The following TEX9 variants were observed in gnomAD, a reference collection of about 807,000 sequenced individuals.
TEX9 encodes the protein testis-expressed protein 9.
Under a neutral mutation model 59.6 loss-of-function variants are expected in TEX9, and 74 were observed. That is an observed-to-expected ratio of 1.24 (90% CI 1.03 to 1.51). TEX9 has a LOEUF of 1.51. Among genes scored for constraint, TEX9 ranks in the 40% most tolerant of loss-of-function variants. The pLI, the probability that TEX9 is intolerant of heterozygous loss-of-function variation, is 0.00. For synonymous variants in TEX9, 186 were observed against 152.2 expected (o/e 1.22, Z -1.64); for missense variants, 522 against 447.8 (o/e 1.17, Z -1.49).
chr15:56,254,413 T>C (rs2044097039), intron 1 of TEX9, among the ~76,000 whole-genome samples: 2 of 151,876 alleles, frequency 1.3e-5, no homozygotes, highest in East Asian at 1.9e-4. Context: ...TCCCTTCTTT[T>C]GCTTGTAATT....
chr15:56,344,435 T>C (rs1049465359), intron 1 of TEX9, among the ~76,000 whole-genome samples: 4 of 152,162 alleles, frequency 2.6e-5, no homozygotes, highest in Non-Finnish European at 5.9e-5. Flanking sequence ...TGTTGTGTAA[T>C]TCCATTTATA....
At chr15:56,260,696 T>C (rs2044245807) in intron 1 of TEX9, among the ~76,000 whole-genome samples, 1 of 152,014 alleles carries the variant, frequency 6.6e-6, no homozygotes, top group Non-Finnish European at 1.5e-5. Flanking sequence ...ATTATTAGCT[T>C]GTAACTTTCT....
In TEX9 at chr15:56,426,863, C is replaced by T. The variant is rs978105846; in HGVS notation, c.964-742C>T. 4.6e-5 allele frequency among the ~76,000 whole-genome samples: 7 copies of T among 151,660 alleles called. No individual in the cohort carries two copies. The East Asian group carries it at 1.4e-3, about 30-fold the overall frequency. Reference sequence around the variant, plus strand: ...AAATTGCTAAAGAGCTTATCCAGTCCATTTTTACCAAGATTACAAACTTGG... The same window carrying T: ...AAATTGCTAAAGAGCTTATCCAGTCTATTTTTACCAAGATTACAAACTTGG... On this transcript the variant is annotated intron_variant, in intron 10 of 12. Coordinates refer to ENST00000352903, the Ensembl canonical transcript of TEX9.
chr15:56,443,568 T>C (rs1567151000), intron 12 of TEX9: 1 of 1,579,780 alleles, frequency 6.3e-7, no homozygotes. Context: ...CATAAATATT[T>C]ATAGGATCCA....
intron 9 of TEX9, among the ~76,000 whole-genome samples, chr15:56,402,444 T>C (rs538026784): frequency 1.6e-3 from 247 of 152,270 alleles, no homozygotes; most frequent in African/African-American, 5.7e-3. Flanking sequence ...CAGGAAGAAG[T>C]TGAATTTCTG....
At chr15:56,379,718 C>A (rs1338471546) in intron 3 of TEX9, among the ~76,000 whole-genome samples, 1 of 152,142 alleles carries the variant, frequency 6.6e-6, no homozygotes, top group Non-Finnish European at 1.5e-5. Context: ...TATCTGGGTG[C>A]TCCAGTGTTG....
chr15:56,308,792 A>C (rs2045539519), intron 1 of TEX9, among the ~76,000 whole-genome samples: 1 of 152,200 alleles, frequency 6.6e-6, no homozygotes, highest in Non-Finnish European at 1.5e-5. Context: ...CCCCAGGACG[A>C]TTCATTGAAA....
chr15:56,310,075 AG>A (rs2045573988), intron 1 of TEX9, among the ~76,000 whole-genome samples: 1 of 152,126 alleles, frequency 6.6e-6, no homozygotes, highest in Admixed American at 6.5e-5. Flanking sequence ...GAGTTTTCTT[AG>A]GCAGGCACTT....
chr15:56,437,003 C>T (rs2050737371), intron 12 of TEX9, among the ~76,000 whole-genome samples: 1 of 152,124 alleles, frequency 6.6e-6, no homozygotes, highest in Admixed American at 6.5e-5. Flanking sequence ...GATGGATTCA[C>T]AGCCGAATTC....
intron 1 of TEX9, among the ~76,000 whole-genome samples, chr15:56,351,345 T>G (rs1161156817): frequency 1.3e-5 from 2 of 152,210 alleles, no homozygotes; most frequent in Non-Finnish European, 2.9e-5. Flanking sequence ...GTTGAATATT[T>G]CAGCACAAAA....
At chr15:56,290,459 G>GT (rs2045062916) in intron 1 of TEX9, among the ~76,000 whole-genome samples, 1 of 151,742 alleles carries the variant, frequency 6.6e-6, no homozygotes, top group African/African-American at 2.4e-5. Flanking sequence ...GCCCCCCCCA[G>GT]TTTTTTTCAA....
intron 1 of TEX9, among the ~76,000 whole-genome samples, chr15:56,316,711 A>G (rs541806156): frequency 2.0e-4 from 30 of 152,202 alleles, no homozygotes; most frequent in African/African-American, 6.7e-4. Flanking sequence ...TTGTTTACCT[A>G]ATCAAGCCTG....
At chr15:56,374,154 T>G (rs1263474089) in intron 3 of TEX9, 3 of 152,084 alleles carry the variant, frequency 2.0e-5, no homozygotes, top group Non-Finnish European at 2.9e-5. Context: ...CATCTTTTAG[T>G]TTTTGCCAGT....
intron 3 of TEX9, among the ~76,000 whole-genome samples, chr15:56,380,668 G>T (rs1335239316): frequency 6.6e-6 from 1 of 152,066 alleles, no homozygotes; most frequent in African/African-American, 2.4e-5. Flanking sequence ...ATGTTTGAAG[G>T]ATATTTTTGC....
At chr15:56,263,396 A>T (rs1312012508) in intron 1 of TEX9, among the ~76,000 whole-genome samples, 1 of 152,040 alleles carries the variant, frequency 6.6e-6, no homozygotes. Context: ...TTCATACTTC[A>T]TGTAATTACT....
chr15:56,443,714 A>C, intron 12 of TEX9: 1 of 1,613,260 alleles, frequency 6.2e-7, no homozygotes, highest in Non-Finnish European at 8.5e-7. Flanking sequence ...TTGCTGCTGC[A>C]TGTTAGCAAA....
chr15:56,289,570 G>T (rs1764599870), intron 1 of TEX9, among the ~76,000 whole-genome samples: 1 of 152,190 alleles, frequency 6.6e-6, no homozygotes, highest in Admixed American at 6.5e-5. Context: ...AGTGAGGGTT[G>T]CTCAGTTCTT....
chr15:56,341,220 C>G lies in TEX9; in HGVS notation c.-106-32221C>G, dbSNP rs78575340. The stretch of plus-strand genomic sequence containing the variant: ...ATTTAGCCTTTTTTTTCCTTCTCTT[C>G]AAAGCATTCATGGTGCTTAGCAACA... On this transcript the variant is annotated intron_variant, in intron 1 of 5. Coordinates refer to the TEX9 transcript ENST00000560827. Among the ~76,000 whole-genome samples, 1,364 of 152,094 alleles carry G rather than the reference C, an allele frequency of 9.0e-3. 24 individuals are homozygous for G. The highest frequency in any genetic ancestry group is 0.031 in the African/African-American group (1,284 of 41,494).
At chr15:56,419,931 A>C (rs1247134303) in intron 10 of TEX9, among the ~76,000 whole-genome samples, 7 of 151,896 alleles carry the variant, frequency 4.6e-5, no homozygotes, top group African/African-American at 1.7e-4. Flanking sequence ...TTTATACTTC[A>C]AATTCAATTT....
Sources: allele counts gnomAD v4.1 joint callset (sites outside exome capture counted in the v4.1 genomes callset), GRCh38; gene constraint gnomAD v4.1.1; transcripts MANE v1.5; gene names NCBI Gene and HGNC (gene_info 2026-07-23, HGNC 2026-07-21).